DNAH6: variants seen among roughly 807,000 people sequenced by gnomAD.
DNAH6 encodes axonemal beta dynein heavy chain 6.
Under a neutral mutation model 491.4 loss-of-function variants are expected in DNAH6, and 340 were observed. That is an observed-to-expected ratio of 0.69 (90% CI 0.63 to 0.76). The LOEUF is 0.76. Ranked by LOEUF, DNAH6 falls within the 30% of genes least tolerant of loss-of-function variation. The pLI, the probability that DNAH6 is intolerant of heterozygous loss-of-function variation, is 0.00. For synonymous variants in DNAH6, 1,603 were observed against 1,686.1 expected (o/e 0.95, Z 1.21); for missense variants, 4,443 against 4,972.2 (o/e 0.89, Z 3.20).
rs558722767 is a variant in DNAH6 at position 84,664,594 on chromosome 2, A to G, written c.6085-4695A>G. ...CCAATACAGGAGCACCCAGATTCAT[A>G]AAGCAAGTCCTTAGAGACCTACAAA... On this transcript the variant is annotated intron_variant, in intron 37 of 76. Transcript: ENST00000389394. Among the ~76,000 whole-genome samples, 17 of 152,308 alleles carry G rather than the reference A, an allele frequency of 1.1e-4. No homozygotes were observed. In the South Asian group the frequency reaches 3.5e-3, roughly 32 times the overall value.
chr2:84,541,058 C>G (rs1472020664), intron 4 of DNAH6, among the ~76,000 whole-genome samples: 1 of 152,076 alleles, frequency 6.6e-6, no homozygotes, highest in African/African-American at 2.4e-5. Context: ...CTGATTATCT[C>G]CTCAAAGAAA....
At chr2:84,599,966 G>A (rs756148397) in intron 18 of DNAH6, among the ~76,000 whole-genome samples, 4 of 151,960 alleles carry the variant, frequency 2.6e-5, no homozygotes, top group Admixed American at 6.6e-5. Flanking sequence ...TTGTTTTATA[G>A]CCCAGAATAT....
intron 75 of DNAH6, among the ~76,000 whole-genome samples, chr2:84,815,541 C>A (rs530919228): frequency 5.9e-5 from 9 of 152,276 alleles, no homozygotes; most frequent in Non-Finnish European, 1.0e-4. Flanking sequence ...TGTCCATGGG[C>A]ACTCTGCAAA....
At chr2:84,808,365 G>T in intron 71 of DNAH6, 50 bp from the exon 72 acceptor site, 1 of 1,461,178 alleles carries the variant, frequency 6.8e-7, no homozygotes. Context: ...GCAATATTGT[G>T]AGAACAAATC....
At chr2:84,761,091 G>A (rs1041720832) in intron 63 of DNAH6, among the ~76,000 whole-genome samples, 2 of 152,158 alleles carry the variant, frequency 1.3e-5, no homozygotes, top group Non-Finnish European at 2.9e-5. Context: ...TGGATGACTG[G>A]ATAAAGAAAA....
At chr2:84,567,955 T>TAATAC (rs1681383608) in intron 11 of DNAH6, among the ~76,000 whole-genome samples, 1 of 152,024 alleles carries the variant, frequency 6.6e-6, no homozygotes, top group African/African-American at 2.4e-5. Context: ...GTATATTATA[T>TAATAC]AATACATTAT....
At chr2:84,705,817 TATA>T in intron 52 of DNAH6, 70 bp downstream of exon 52, 1 of 1,469,584 alleles carries the variant, frequency 6.8e-7, no homozygotes, top group Non-Finnish European at 9.1e-7. Flanking sequence ...AAGTTCTCTG[TATA>T]ATGTTACTGT....
the DNAH6 span, among the ~76,000 whole-genome samples, chr2:84,487,933 A>ATGTCCT: frequency 8.7e-3 from 1,325 of 152,328 alleles, 13 homozygotes; most frequent in Middle Eastern, 0.017. Context: ...CTAATCTAGG[A>ATGTCCT]CATCCTGACA....
intron 22 of DNAH6, among the ~76,000 whole-genome samples, chr2:84,612,390 A>C (rs1056581733): frequency 5.9e-5 from 9 of 152,086 alleles, no homozygotes; most frequent in Admixed American, 5.9e-4. Context: ...TTCAGGGTGC[A>C]TATATGTGGC....
intron 4 of DNAH6, among the ~76,000 whole-genome samples, chr2:84,535,295 A>G (rs1176738205): frequency 6.6e-6 from 1 of 151,984 alleles, no homozygotes; most frequent in Non-Finnish European, 1.5e-5. Context: ...TGGCAAACAC[A>G]GAAGTCAAAA....
chr2:84,567,778 A>G (rs902784225), intron 11 of DNAH6, among the ~76,000 whole-genome samples: 14 of 152,326 alleles, frequency 9.2e-5, no homozygotes, highest in Middle Eastern at 3.4e-3. Context: ...AATTGCAACA[A>G]AAGCAAAAAT....
intron 37 of DNAH6, among the ~76,000 whole-genome samples, chr2:84,666,936 A>G (rs1692190314): frequency 6.6e-6 from 1 of 152,254 alleles, no homozygotes; most frequent in Admixed American, 6.5e-5. Context: ...GCCCTCAGAA[A>G]TAATACCACA....
intron 48 of DNAH6, among the ~76,000 whole-genome samples, chr2:84,700,868 G>A (rs541729110): frequency 1.3e-5 from 2 of 152,150 alleles, no homozygotes; most frequent in African/African-American, 2.4e-5. Context: ...AGCAACTTCC[G>A]TGTGCATGAT....
intron 62 of DNAH6, among the ~76,000 whole-genome samples, chr2:84,737,201 T>A (rs1699595459): frequency 6.6e-6 from 1 of 152,132 alleles, no homozygotes; most frequent in Admixed American, 6.6e-5. Flanking sequence ...ATGAATTAAC[T>A]TTTTTATATG....
intron 64 of DNAH6, 82 bp from the exon 65 acceptor site, chr2:84,781,411 G>A (rs916490944): frequency 7.5e-5 from 87 of 1,165,878 alleles, no homozygotes; most frequent in Non-Finnish European, 1.1e-5. Context: ...CTAAGCAAGA[G>A]TCTACTGTAT....
chr2:84,753,753 G>GT (rs1673699555), intron 63 of DNAH6, among the ~76,000 whole-genome samples: 1 of 52,118 alleles, frequency 1.9e-5, no homozygotes, highest in Non-Finnish European at 3.5e-5. Flanking sequence ...GTGAAACTCT[G>GT]TTAAAAAAAA....
chr2:84,722,250 T>A (rs2104932014), intron 59 of DNAH6, among the ~76,000 whole-genome samples: 1 of 152,302 alleles, frequency 6.6e-6, no homozygotes, highest in Admixed American at 6.5e-5. Context: ...CCTTCTCCTT[T>A]CATTCCTTTA....
intron 43 of DNAH6, 111 bp downstream of exon 43, chr2:84,685,583 T>G (rs1437207343): frequency 1.8e-6 from 1 of 547,180 alleles, no homozygotes; most frequent in Non-Finnish European, 3.0e-6. Flanking sequence ...GAGTAAAAGT[T>G]ATTTTCTTTG....
At chr2:84,601,562 G>A (rs568538717) in intron 18 of DNAH6, among the ~76,000 whole-genome samples, 131 of 151,910 alleles carry the variant, frequency 8.6e-4, no homozygotes, top group African/African-American at 3.0e-3. Flanking sequence ...GTGTGATATG[G>A]CTTTCTGCAT....
Sources: allele counts gnomAD v4.1 joint callset (sites outside exome capture counted in the v4.1 genomes callset), GRCh38; gene constraint gnomAD v4.1.1; transcripts MANE v1.5; gene names NCBI Gene and HGNC (gene_info 2026-07-23, HGNC 2026-07-21).